RNGTT: variants seen among roughly 807,000 people sequenced by gnomAD.
The protein encoded by RNGTT is mRNA-capping enzyme.
Under a neutral mutation model 79.3 loss-of-function variants are expected in RNGTT, and 33 were observed. That is an observed-to-expected ratio of 0.42 (90% CI 0.32 to 0.56). RNGTT has a LOEUF of 0.56. RNGTT is among the 20% of genes least tolerant of loss of function. The probability of loss-of-function intolerance (pLI) is 0.17; values close to 1 mark genes in which losing one functional copy is unlikely to be tolerated. For synonymous variants in RNGTT, 222 were observed against 235.9 expected (o/e 0.94, Z 0.54); for missense variants, 497 against 739.1 (o/e 0.67, Z 3.80).
intron 8 of RNGTT, among the ~76,000 whole-genome samples, chr6:88,881,697 A>ATTT (rs1238832420): frequency 4.6e-5 from 7 of 152,210 alleles, no homozygotes; most frequent in Non-Finnish European, 8.8e-5. Context: ...TACTTTCACT[A>ATTT]ACTCTTAATA....
intron 11 of RNGTT, among the ~76,000 whole-genome samples, chr6:88,838,282 G>A (rs1453982957): frequency 6.6e-6 from 1 of 151,946 alleles, no homozygotes; most frequent in East Asian, 1.9e-4. Flanking sequence ...TAAGGCAGGA[G>A]AATAAAATTA....
chr6:88,664,326 A>G (rs969094543), intron 14 of RNGTT, among the ~76,000 whole-genome samples: 1 of 152,210 alleles, frequency 6.6e-6, no homozygotes, highest in Non-Finnish European at 1.5e-5. Context: ...TTTGACCCAG[A>G]CAGCCCTGAA....
intron 13 of RNGTT, among the ~76,000 whole-genome samples, chr6:88,698,873 T>A (rs1775849351): frequency 6.6e-6 from 1 of 152,202 alleles, no homozygotes; most frequent in South Asian, 2.1e-4. Context: ...GAATCTCATG[T>A]GCTGAGCTGA....
chr6:88,650,480 C>T (rs1773755235), intron 14 of RNGTT, among the ~76,000 whole-genome samples: 1 of 152,142 alleles, frequency 6.6e-6, no homozygotes, highest in Non-Finnish European at 1.5e-5. Flanking sequence ...CCAAGAAAGA[C>T]TGATCTTGAA....
At chr6:88,660,174 T>C (rs914163933) in intron 14 of RNGTT, among the ~76,000 whole-genome samples, 1 of 152,044 alleles carries the variant, frequency 6.6e-6, no homozygotes, top group African/African-American at 2.4e-5. Context: ...AACCTCGAAA[T>C]GCACCAAAAT....
chr6:88,781,083 T>C (rs369342572), intron 12 of RNGTT, among the ~76,000 whole-genome samples: 2 of 152,150 alleles, frequency 1.3e-5, no homozygotes, highest in South Asian at 2.1e-4. Flanking sequence ...AAAATGTCAA[T>C]GGTGCCAAGG....
At chr6:88,791,118 C>A (rs1054122846) in intron 12 of RNGTT, among the ~76,000 whole-genome samples, 3 of 148,362 alleles carry the variant, frequency 2.0e-5, no homozygotes, top group Admixed American at 6.8e-5. Flanking sequence ...CCCAGATGAA[C>A]CCTAAATGCA....
chr6:88,676,451 CTAAATGTATAACTTAAAAGTA>C (rs1219153854), intron 14 of RNGTT, among the ~76,000 whole-genome samples: 2 of 151,788 alleles, frequency 1.3e-5, no homozygotes, highest in East Asian at 3.9e-4. Context: ...GACAATAAAC[CTAAATGTATAACTTAAAAGTA>C]TAAAACTTCT....
chr6:88,927,227 G>A (rs1784348514), intron 4 of RNGTT, among the ~76,000 whole-genome samples: 1 of 152,150 alleles, frequency 6.6e-6, no homozygotes, highest in Non-Finnish European at 1.5e-5. Flanking sequence ...TGGTTATGTA[G>A]AAAACATTTA....
chr6:88,681,454 C>A (rs986109280), intron 13 of RNGTT, among the ~76,000 whole-genome samples: 8 of 152,028 alleles, frequency 5.3e-5, no homozygotes, highest in Non-Finnish European at 1.0e-4. Context: ...TATATTACCA[C>A]CTTTGTTTGA....
chr6:88,961,426 A>G (rs780367749), intron 1 of RNGTT, among the ~76,000 whole-genome samples: 1 of 151,912 alleles, frequency 6.6e-6, no homozygotes, highest in Non-Finnish European at 1.5e-5. Flanking sequence ...AAATTACACG[A>G]TAAGTACAAA....
At chr6:88,719,731 T>C (rs558754125) in intron 13 of RNGTT, among the ~76,000 whole-genome samples, 9 of 152,206 alleles carry the variant, frequency 5.9e-5, no homozygotes, top group Non-Finnish European at 1.3e-4. Flanking sequence ...ATTTAAAAGA[T>C]GTGTATTTAA....
At chr6:88,889,650 AAATG>A (rs1782978763) in intron 8 of RNGTT, among the ~76,000 whole-genome samples, 1 of 152,238 alleles carries the variant, frequency 6.6e-6, no homozygotes, top group African/African-American at 2.4e-5. Context: ...TCAACTTGCT[AAATG>A]AATACATACA....
intron 11 of RNGTT, among the ~76,000 whole-genome samples, chr6:88,841,231 C>T (rs575414882): frequency 1.3e-5 from 2 of 152,174 alleles, no homozygotes; most frequent in East Asian, 1.9e-4. Context: ...AGTGAACAGT[C>T]GAAAGATCAT....
At chr6:88,817,749 ATTTTTTTTTTTTTTTT>A (rs71554802) in intron 11 of RNGTT, among the ~76,000 whole-genome samples, 2 of 71,560 alleles carry the variant, frequency 2.8e-5, no homozygotes, top group African/African-American at 1.1e-4. Context: ...TATTCACATC[ATTTTTTTTTTTTTTTT>A]TTTTTTTTTT....
chr6:88,696,600 G>A (rs1451388308), intron 13 of RNGTT, among the ~76,000 whole-genome samples: 1 of 104,804 alleles, frequency 9.5e-6, no homozygotes, highest in Admixed American at 9.3e-5. Flanking sequence ...AAATCCTGAA[G>A]TACACACACA....
intron 13 of RNGTT, among the ~76,000 whole-genome samples, chr6:88,765,191 CAAAAAAAA>C (rs11286162): frequency 1.2e-5 from 1 of 84,382 alleles, no homozygotes; most frequent in Admixed American, 1.4e-4. Flanking sequence ...GACTCCATCT[CAAAAAAAA>C]AAAAAAAAAA....
intron 14 of RNGTT, among the ~76,000 whole-genome samples, chr6:88,662,036 C>T (rs780251684): frequency 6.6e-6 from 1 of 152,152 alleles, no homozygotes; most frequent in Non-Finnish European, 1.5e-5. Context: ...AAATGTGATA[C>T]ACCACATAAA....
intron 13 of RNGTT, among the ~76,000 whole-genome samples, chr6:88,761,630 G>A (rs1778261284): frequency 6.6e-6 from 1 of 152,096 alleles, no homozygotes; most frequent in African/African-American, 2.4e-5. Flanking sequence ...TAGTCTACAG[G>A]CCACATCTGG....
Sources: gnomAD v4.1 joint callset for allele counts (sites outside exome capture counted in the v4.1 genomes callset) on GRCh38, gnomAD v4.1.1 for gene constraint, MANE v1.5 for transcripts, NCBI Gene and HGNC (gene_info 2026-07-23, HGNC 2026-07-21) for gene names.